The following RUNX1 variants were observed in gnomAD, a reference collection of about 807,000 sequenced individuals.
The protein encoded by RUNX1 is RUNX family transcription factor 1, also known as runt-related transcription factor 1.
In RUNX1, 19 loss-of-function variants were observed where a neutral mutation model predicts 42.8. The observed-to-expected ratio is 0.44, with a 90% CI of 0.31 to 0.65. RUNX1 has a LOEUF of 0.65. Ranked by LOEUF, RUNX1 falls within the 30% of genes least tolerant of loss-of-function variation. RUNX1 has a pLI of 0.07. For missense variants in RUNX1, 528 were observed against 672.0 expected (o/e 0.79, Z 2.37); for synonymous variants, 271 against 289.4 (o/e 0.94, Z 0.64).
intron 3 of RUNX1, among the ~76,000 whole-genome samples, chr21:34,889,477 C>A (rs1426085397): frequency 6.6e-6 from 1 of 152,160 alleles, no homozygotes; most frequent in Admixed American, 6.5e-5. Context: ...GTTTCCTAGT[C>A]AGGAAAGACC....
At chr21:35,046,325 A>G (rs1448190535) in intron 2 of RUNX1, among the ~76,000 whole-genome samples, 3 of 152,094 alleles carry the variant, frequency 2.0e-5, no homozygotes, top group African/African-American at 4.8e-5. Context: ...TTTCCCCCCA[A>G]TTTCCACATG....
chr21:34,899,277 A>T (rs2058157587), intron 2 of RUNX1, among the ~76,000 whole-genome samples: 1 of 152,146 alleles, frequency 6.6e-6, no homozygotes, highest in Non-Finnish European at 1.5e-5. Flanking sequence ...ATTCACATTG[A>T]AGCCCTAATC....
intron 5 of RUNX1, among the ~76,000 whole-genome samples, chr21:34,877,390 C>T (rs1169335770): frequency 6.6e-6 from 1 of 152,110 alleles, no homozygotes; most frequent in African/African-American, 2.4e-5. Context: ...TTATTCTGAA[C>T]AATAACCTCT....
At chr21:34,952,422 A>G (rs2058615376) in intron 2 of RUNX1, among the ~76,000 whole-genome samples, 1 of 151,926 alleles carries the variant, frequency 6.6e-6, no homozygotes, top group African/African-American at 2.4e-5. Flanking sequence ...TTAAAATTGG[A>G]AAAAAAATAG....
intron 2 of RUNX1, among the ~76,000 whole-genome samples, chr21:34,961,111 C>A (rs1035623860): frequency 5.9e-5 from 9 of 152,126 alleles, no homozygotes; most frequent in Non-Finnish European, 1.0e-4. Context: ...CGTGGTGGCT[C>A]ACGCCTGTAA....
intron 2 of RUNX1, among the ~76,000 whole-genome samples, chr21:34,954,656 G>A (rs1396025210): frequency 6.6e-6 from 1 of 152,130 alleles, no homozygotes; most frequent in East Asian, 1.9e-4. Flanking sequence ...AGAACTTAAA[G>A]GTGTCCTATA....
At chr21:34,877,499 C>T (rs1039528775) in intron 5 of RUNX1, among the ~76,000 whole-genome samples, 2 of 151,944 alleles carry the variant, frequency 1.3e-5, no homozygotes, top group Non-Finnish European at 2.9e-5. Context: ...AAGGAGCGGT[C>T]GATTTACATG....
At chr21:34,980,864 A>G (rs1246176657) in intron 2 of RUNX1, among the ~76,000 whole-genome samples, 1 of 152,264 alleles carries the variant, frequency 6.6e-6, no homozygotes, top group Admixed American at 6.5e-5. Context: ...ACCTGGAATC[A>G]TCAGCTTAAA....
chr21:35,018,744 C>A (rs2059177447), intron 2 of RUNX1, among the ~76,000 whole-genome samples: 2 of 152,114 alleles, frequency 1.3e-5, no homozygotes, highest in Admixed American at 1.3e-4. Context: ...CACACCTCAC[C>A]CTGGGACCCT....
intron 3 of RUNX1, 43 bp from the exon 4 acceptor site, chr21:34,887,139 C>T: frequency 6.3e-7 from 1 of 1,597,598 alleles, no homozygotes; most frequent in Non-Finnish European, 8.5e-7. Context: ...AGTTAGGACC[C>T]TGCAAACAGC....
chr21:34,910,931 C>G (rs923758792), intron 2 of RUNX1, among the ~76,000 whole-genome samples: 2 of 152,110 alleles, frequency 1.3e-5, no homozygotes, highest in Non-Finnish European at 2.9e-5. Context: ...CCACCACACC[C>G]CACTAATTTT....
intron 7 of RUNX1, among the ~76,000 whole-genome samples, chr21:34,813,097 G>A (rs1271943140): frequency 6.6e-6 from 1 of 152,120 alleles, no homozygotes; most frequent in African/African-American, 2.4e-5. Context: ...TCAAACGGGT[G>A]ATTTCTCCTC....
intron 2 of RUNX1, among the ~76,000 whole-genome samples, chr21:34,893,244 A>T (rs1477458662): frequency 6.6e-6 from 1 of 152,210 alleles, no homozygotes; most frequent in East Asian, 1.9e-4. Context: ...GTGTGTGATT[A>T]AAATGTGATT....
chr21:34,858,110 T>C (rs1209689147), intron 6 of RUNX1, among the ~76,000 whole-genome samples: 1 of 151,950 alleles, frequency 6.6e-6, no homozygotes, highest in Non-Finnish European at 1.5e-5. Flanking sequence ...GTGGGCATGG[T>C]GATTATTTGC....
rs1243891798 is a variant in RUNX1 at position 34,788,857 on chromosome 21, TC to T, written c.*3277del. ...TGTATAAAAGACCCAAACATGTCAT[TC>T]CCCCCAAAAATAAAAACCAACAAAA... On this transcript the variant is annotated 3_prime_UTR_variant, in exon 9 of 9. Coordinates refer to ENST00000675419, the MANE Select transcript of RUNX1 (RefSeq NM_001754.5). The T allele has an allele frequency of 8.6e-6, 2 of 233,114 alleles. No individual in the cohort carries two copies. Among genetic ancestry groups the T allele is most frequent in the Non-Finnish European group, 1.7e-5 (2 of 118,030 alleles). The allele number at this position is 233,114 out of a possible 1,614,324, so 14.4% of individuals were successfully genotyped here.
chr21:34,950,393 A>C (rs1601601398), intron 2 of RUNX1, among the ~76,000 whole-genome samples: 1 of 152,332 alleles, frequency 6.6e-6, no homozygotes, highest in East Asian at 1.9e-4. Flanking sequence ...GAACAAAAAG[A>C]GCCTATAAGC....
At chr21:34,993,375 A>G (rs1397474214) in intron 2 of RUNX1, among the ~76,000 whole-genome samples, 1 of 152,192 alleles carries the variant, frequency 6.6e-6, no homozygotes, top group East Asian at 1.9e-4. Context: ...AGGGGCAAAC[A>G]AAACTGTACC....
chr21:34,995,660 C>T (rs753833059), intron 2 of RUNX1, among the ~76,000 whole-genome samples: 2 of 152,022 alleles, frequency 1.3e-5, no homozygotes, highest in Non-Finnish European at 1.5e-5. Flanking sequence ...AAGCTGTTCT[C>T]GAACTCCTGA....
chr21:34,887,859 T>C (rs1277388157), intron 3 of RUNX1: 4 of 1,064,914 alleles, frequency 3.8e-6, no homozygotes, highest in African/African-American at 3.3e-5. Flanking sequence ...GAAGTACTTG[T>C]CATGTTCTCT....
Sources: allele counts gnomAD v4.1 joint callset (sites outside exome capture counted in the v4.1 genomes callset), GRCh38; gene constraint gnomAD v4.1.1; transcripts MANE v1.5; gene names NCBI Gene and HGNC (gene_info 2026-07-23, HGNC 2026-07-21).